NEIL3: variants seen among roughly 807,000 people sequenced by gnomAD.
The protein encoded by NEIL3 is nei like DNA glycosylase 3, also known as endonuclease 8-like 3.
NEIL3 carries 48 observed loss-of-function variants against 57.5 expected under a neutral mutation model. The ratio of observed to expected loss-of-function variants is 0.83; its 90% CI spans 0.66 to 1.06. The LOEUF (loss-of-function observed/expected upper bound fraction) is 1.06, where lower values mean the gene tolerates loss of function less well. Among genes scored for constraint, NEIL3 ranks in the 50% least tolerant of loss-of-function variants. NEIL3 has a pLI of 0.00. For synonymous variants in NEIL3, 261 were observed against 253.2 expected (o/e 1.03, Z -0.29); for missense variants, 717 against 739.1 (o/e 0.97, Z 0.35).
intron 1 of NEIL3, among the ~76,000 whole-genome samples, chr4:177,311,221 C>T (rs189735557): frequency 9.9e-5 from 15 of 152,280 alleles, no homozygotes; most frequent in African/African-American, 3.6e-4. Context: ...AAAACAAATA[C>T]TTCCTCTTTT....
At chr4:177,326,852 A>T (rs1248296834) in intron 2 of NEIL3, among the ~76,000 whole-genome samples, 3 of 152,144 alleles carry the variant, frequency 2.0e-5, no homozygotes, top group Admixed American at 2.0e-4. Context: ...TTTGCAGTGT[A>T]TGGAAATACA....
chr4:177,330,364 T>C (rs1560911672), intron 2 of NEIL3, among the ~76,000 whole-genome samples: 1 of 152,222 alleles, frequency 6.6e-6, no homozygotes, highest in Non-Finnish European at 1.5e-5. Context: ...TGAGGAAATG[T>C]TCTGGCATTA....
intron 8 of NEIL3, among the ~76,000 whole-genome samples, chr4:177,355,572 C>T (rs1176208033): frequency 1.3e-5 from 2 of 152,052 alleles, no homozygotes; most frequent in South Asian, 2.1e-4. Context: ...TGGGAACCTA[C>T]GGCTATGGAG....
chr4:177,336,456 A>G, intron 4 of NEIL3, 135 bp downstream of exon 4: 1 of 697,794 alleles, frequency 1.4e-6, no homozygotes, highest in Non-Finnish European at 2.4e-6. Flanking sequence ...ATTTCTACCC[A>G]GGTCAATTTC....
intron 6 of NEIL3, chr4:177,342,910 A>T (rs1735126458): frequency 6.6e-6 from 1 of 152,194 alleles, no homozygotes; most frequent in Non-Finnish European, 1.5e-5. Context: ...AGTTTGGAGA[A>T]TGGTTAAGGT....
intron 2 of NEIL3, among the ~76,000 whole-genome samples, chr4:177,327,552 TTAAG>T (rs1487181207): frequency 2.0e-5 from 3 of 152,126 alleles, no homozygotes; most frequent in South Asian, 2.1e-4. Context: ...CTCGCATGCA[TTAAG>T]TGTTTGTCCT....
At chr4:177,368,191 T>C in the NEIL3 span, among the ~76,000 whole-genome samples, 7 of 152,342 alleles carry the variant, frequency 4.6e-5, no homozygotes, top group South Asian at 2.1e-4. Flanking sequence ...AATTGTGGTA[T>C]GATGAGATTA....
downstream of NEIL3, among the ~76,000 whole-genome samples, chr4:177,364,059 A>G (rs781077080): frequency 3.5e-4 from 54 of 152,298 alleles, no homozygotes; most frequent in Admixed American, 2.2e-3. Flanking sequence ...AGAAACTTTC[A>G]TCTGAGAGTC....
chr4:177,344,790 G>C (rs2110917571), intron 6 of NEIL3, among the ~76,000 whole-genome samples: 1 of 152,222 alleles, frequency 6.6e-6, no homozygotes, highest in East Asian at 1.9e-4. Context: ...TCAAACTCCT[G>C]AGCTCAAGTG....
At chr4:177,329,686 A>G (rs1185082803) in intron 2 of NEIL3, among the ~76,000 whole-genome samples, 1 of 152,184 alleles carries the variant, frequency 6.6e-6, no homozygotes, top group Non-Finnish European at 1.5e-5. Context: ...AGCAAGGATA[A>G]AAGACCTGAG....
At chr4:177,351,201 C>G (rs1179332105) in intron 6 of NEIL3, among the ~76,000 whole-genome samples, 179 bp from the exon 7 acceptor site, 1 of 74,000 alleles carries the variant, frequency 1.4e-5, no homozygotes. Flanking sequence ...AAGACCCCAT[C>G]TCTACAAAAA....
chr4:177,331,104 C>A (rs1407478112), intron 2 of NEIL3, among the ~76,000 whole-genome samples: 1 of 152,236 alleles, frequency 6.6e-6, no homozygotes, highest in East Asian at 1.9e-4. Context: ...ATTATCAAAA[C>A]ATACTCTAGA....
At chr4:177,352,956 A>G (rs1046046533) in intron 7 of NEIL3, among the ~76,000 whole-genome samples, 1 of 152,196 alleles carries the variant, frequency 6.6e-6, no homozygotes, top group Non-Finnish European at 1.5e-5. Flanking sequence ...CTAAAGCTTT[A>G]TGGGATATCA....
intron 2 of NEIL3, among the ~76,000 whole-genome samples, chr4:177,330,336 G>C (rs890097846): frequency 6.6e-6 from 1 of 152,058 alleles, no homozygotes; most frequent in African/African-American, 2.4e-5. Flanking sequence ...ATTTGTAGGA[G>C]ACAGCTAAAG....
chr4:177,350,557 T>C (rs1191862013), intron 6 of NEIL3, among the ~76,000 whole-genome samples: 1 of 152,230 alleles, frequency 6.6e-6, no homozygotes, highest in Non-Finnish European at 1.5e-5. Context: ...GATATCTTTT[T>C]TCATCATTAT....
chr4:177,313,872 G>A (rs1318562979), intron 1 of NEIL3, among the ~76,000 whole-genome samples: 1 of 152,174 alleles, frequency 6.6e-6, no homozygotes, highest in Admixed American at 6.5e-5. Flanking sequence ...AGTGATTAAA[G>A]ATTTAGAAAT....
chr4:177,317,132 C>T (rs1734588646), intron 1 of NEIL3, among the ~76,000 whole-genome samples: 1 of 152,182 alleles, frequency 6.6e-6, no homozygotes, highest in African/African-American at 2.4e-5. Context: ...CCTTCACTTG[C>T]TCTTCTGTCA....
intron 2 of NEIL3, among the ~76,000 whole-genome samples, chr4:177,331,570 C>G (rs1397972800): frequency 6.6e-6 from 1 of 152,042 alleles, no homozygotes; most frequent in Non-Finnish European, 1.5e-5. Flanking sequence ...TTGGGTCTGG[C>G]TCTGTTGACT....
At chr4:177,326,785 T>A (rs1286495061) in intron 2 of NEIL3, among the ~76,000 whole-genome samples, 1 of 152,112 alleles carries the variant, frequency 6.6e-6, no homozygotes, top group Non-Finnish European at 1.5e-5. Context: ...ACTAAGTGGG[T>A]TTTTTTGGAG....
Sources: gnomAD v4.1 joint callset for allele counts (sites outside exome capture counted in the v4.1 genomes callset) on GRCh38, gnomAD v4.1.1 for gene constraint, MANE v1.5 for transcripts, NCBI Gene and HGNC (gene_info 2026-07-23, HGNC 2026-07-21) for gene names.